Variants in TENM3 observed in about 807,000 individuals in gnomAD.
The protein encoded by TENM3 is teneurin-3.
A neutral mutation model predicts 255.1 loss-of-function variants in TENM3; 63 were observed. The ratio of observed to expected loss-of-function variants is 0.25; its 90% CI spans 0.20 to 0.30. TENM3 has a LOEUF of 0.30. Among genes scored for constraint, TENM3 ranks in the 10% least tolerant of loss-of-function variants. The pLI is 1.00. For synonymous variants in TENM3, 1,306 were observed against 1,322.3 expected (o/e 0.99, Z 0.27); for missense variants, 2,929 against 3,461.1 (o/e 0.85, Z 3.86).
chr4:182,079,384 C>T, the TENM3 span, among the ~76,000 whole-genome samples: 13 of 152,048 alleles, frequency 8.5e-5, no homozygotes, highest in African/African-American at 2.4e-4. Flanking sequence ...GGCGCAGTGG[C>T]GGGTGCCTGT....
chr4:181,515,002 T>C, the TENM3 span, among the ~76,000 whole-genome samples: 23 of 152,216 alleles, frequency 1.5e-4, no homozygotes, highest in African/African-American at 5.3e-4. Context: ...CTGGCTTTAT[T>C]AAAAAGTGGT....
At chr4:182,455,562 T>C (rs1262121481) in intron 3 of TENM3, among the ~76,000 whole-genome samples, 2 of 136,932 alleles carry the variant, frequency 1.5e-5, no homozygotes, top group Non-Finnish European at 3.1e-5. Flanking sequence ...TCTTTTTTTT[T>C]TTTTTTTTTT....
the TENM3 span, among the ~76,000 whole-genome samples, chr4:181,619,576 C>T: frequency 6.6e-6 from 1 of 151,844 alleles, no homozygotes; most frequent in African/African-American, 2.4e-5. Flanking sequence ...CACACACCAC[C>T]ATATTTGGCC....
At chr4:182,242,312 G>GT (rs1195628730), upstream of TENM3, among the ~76,000 whole-genome samples, 22 of 150,468 alleles carry the variant, frequency 1.5e-4, no homozygotes, top group East Asian at 1.6e-3. Context: ...TGCGGTGTTT[G>GT]TTTTTTTTTC....
chr4:181,785,931 C>T, the TENM3 span, among the ~76,000 whole-genome samples: 1 of 152,108 alleles, frequency 6.6e-6, no homozygotes, highest in Non-Finnish European at 1.5e-5. Context: ...ACAAGCGTGA[C>T]TTAAATATCA....
chr4:182,291,044 T>C (rs1480170849), intron 1 of TENM3, among the ~76,000 whole-genome samples: 1 of 151,868 alleles, frequency 6.6e-6, no homozygotes, highest in Non-Finnish European at 1.5e-5. Flanking sequence ...TGGTCTCGAA[T>C]GCCTGACCTC....
At chr4:181,450,701 T>C in the TENM3 span, among the ~76,000 whole-genome samples, 13 of 152,224 alleles carry the variant, frequency 8.5e-5, no homozygotes, top group Non-Finnish European at 1.6e-4. Flanking sequence ...GTAGAAGGCA[T>C]AGAACACATC....
At chr4:181,786,365 A>C in the TENM3 span, among the ~76,000 whole-genome samples, 407 of 152,332 alleles carry the variant, frequency 2.7e-3, 1 homozygote, top group Non-Finnish European at 4.3e-3. Flanking sequence ...ACACATGTGC[A>C]CGGGAGTCAT....
At chr4:181,840,458 A>G in the TENM3 span, among the ~76,000 whole-genome samples, 1 of 152,108 alleles carries the variant, frequency 6.6e-6, no homozygotes, top group African/African-American at 2.4e-5. Flanking sequence ...TTTTTGAAGC[A>G]CTACCAGTCT....
chr4:181,870,629 C>T, the TENM3 span, among the ~76,000 whole-genome samples: 1 of 152,186 alleles, frequency 6.6e-6, no homozygotes, highest in African/African-American at 2.4e-5. Flanking sequence ...ATATGCTTGT[C>T]TGACTTGCTT....
chr4:182,063,789 T>A, the TENM3 span, among the ~76,000 whole-genome samples: 1 of 152,148 alleles, frequency 6.6e-6, no homozygotes, highest in African/African-American at 2.4e-5. Flanking sequence ...GGATTAGAAC[T>A]ATAAAAAGAA....
the TENM3 span, among the ~76,000 whole-genome samples, chr4:182,125,163 GCA>G: frequency 1.7e-5 from 2 of 120,908 alleles, no homozygotes. Context: ...ATTGCCCAGC[GCA>G]TCCACGCTGT....
chr4:181,495,514 A>G, the TENM3 span, among the ~76,000 whole-genome samples: 1 of 151,788 alleles, frequency 6.6e-6, no homozygotes, highest in Non-Finnish European at 1.5e-5. Flanking sequence ...CACTAGACCT[A>G]AAGCTCCTTA....
chr4:182,334,876 G>A (rs1281212586), intron 2 of TENM3, among the ~76,000 whole-genome samples: 1 of 152,142 alleles, frequency 6.6e-6, no homozygotes, highest in Non-Finnish European at 1.5e-5. Context: ...AATGACTTGA[G>A]CCATGAGTAG....
Position 182,600,917 on chromosome 4 carries a change from T to TAA in TENM3, c.512-7_512-6insAA. The TAA allele has an allele frequency of 7.0e-7, 1 of 1,424,446 alleles. No individual in the cohort carries two copies. Among genetic ancestry groups the TAA allele is most frequent in the Non-Finnish European group, 9.5e-7 (1 of 1,056,170 alleles). The allele number at this position is 1,424,446 out of a possible 1,614,324, so 88.2% of individuals were successfully genotyped here. On this transcript the variant is annotated splice_region_variant and splice_polypyrimidine_tract_variant and intron_variant, in intron 3 of 27. Transcript: ENST00000511685. ...TCTTTCTTTTTTTTTTTTTTTTTTT[T>TAA]TTTCAGAGCAACCTGCAAGCAATCA...
At chr4:182,384,231 A>C (rs577406481) in intron 3 of TENM3, among the ~76,000 whole-genome samples, 1 of 152,278 alleles carries the variant, frequency 6.6e-6, no homozygotes, top group East Asian at 1.9e-4. Context: ...TCAGAGCCAA[A>C]ATTATAAAGC....
At chr4:181,686,947 T>C in the TENM3 span, among the ~76,000 whole-genome samples, 392 of 152,290 alleles carry the variant, frequency 2.6e-3, 1 homozygote, top group African/African-American at 8.7e-3. Context: ...TCTTTGTACA[T>C]TGTTCCATTC....
At chr4:182,375,709 T>C (rs975126649) in intron 3 of TENM3, among the ~76,000 whole-genome samples, 7 of 151,966 alleles carry the variant, frequency 4.6e-5, no homozygotes, top group African/African-American at 1.7e-4. Context: ...ACCTGGCTAA[T>C]TTTTTTGTAT....
chr4:181,841,502 G>A, the TENM3 span, among the ~76,000 whole-genome samples: 2 of 152,078 alleles, frequency 1.3e-5, no homozygotes, highest in Admixed American at 1.3e-4. Flanking sequence ...CATCAAGTTT[G>A]AGAATCATAT....
Sources: allele counts gnomAD v4.1 joint callset (sites outside exome capture counted in the v4.1 genomes callset), GRCh38; gene constraint gnomAD v4.1.1; transcripts MANE v1.5; gene names NCBI Gene and HGNC (gene_info 2026-07-23, HGNC 2026-07-21).